TMEM74: variants seen among roughly 807,000 people sequenced by gnomAD.
TMEM74 encodes the protein transmembrane protein 74.
TMEM74 carries 13 observed loss-of-function variants against 18.1 expected under a neutral mutation model. That is an observed-to-expected ratio of 0.72 (90% CI 0.47 to 1.14). TMEM74 has a LOEUF of 1.14. Among genes scored for constraint, TMEM74 ranks in the 50% most tolerant of loss-of-function variants. TMEM74 has a pLI of 0.00. For missense variants in TMEM74, 372 were observed against 375.9 expected, an observed-to-expected ratio of 0.99 and a Z score of 0.09; for synonymous variants, 159 against 146.6, an observed-to-expected ratio of 1.08 and a Z score of -0.61.
intron 1 of TMEM74, among the ~76,000 whole-genome samples, chr8:108,664,619 C>A (rs990115249): frequency 6.6e-6 from 1 of 152,060 alleles, no homozygotes; most frequent in Admixed American, 6.6e-5. Context: ...TAATTGGATG[C>A]CTTTTATTTC....
At position 108,758,540 on chromosome 8, in the gene TMEM74, C is replaced by G. The variant is rs183846311; in HGVS notation, n.119+28936G>C. Among the ~76,000 whole-genome samples the G allele has an allele frequency of 5.3e-5, 8 of 152,148 alleles. No homozygotes were observed. In the East Asian group the frequency reaches 1.2e-3, roughly 22 times the overall value. On this transcript the variant is annotated intron_variant and non_coding_transcript_variant, in intron 1 of 3. Transcript: ENST00000518838. The stretch of plus-strand genomic sequence containing the variant: ...AATAAGAAATATAATTTGCCCCTAT[C>G]AGATTAGCAAACCTTTTTAGTTGGA...
At chr8:108,741,530 C>T (rs1230525319) in intron 1 of TMEM74, among the ~76,000 whole-genome samples, 1 of 152,174 alleles carries the variant, frequency 6.6e-6, no homozygotes, top group African/African-American at 2.4e-5. Context: ...ATTTTCCTCC[C>T]TCAGATCAGC....
intron 1 of TMEM74, among the ~76,000 whole-genome samples, chr8:108,705,032 A>G (rs1451446854): frequency 6.6e-6 from 1 of 152,232 alleles, no homozygotes; most frequent in Non-Finnish European, 1.5e-5. Context: ...ATGTCAAATC[A>G]CTTAGAAACA....
At position 108,781,280 on chromosome 8, in the gene TMEM74, G is replaced by A. The variant is rs574539031; in HGVS notation, c.*2901C>T. 1.2e-3 allele frequency among the ~76,000 whole-genome samples: 184 copies of A among 152,266 alleles called. No individual in the cohort carries two copies. Among genetic ancestry groups the A allele is most frequent in the African/African-American group, 4.0e-3 (168 of 41,558 alleles). On this transcript the variant is annotated 3_prime_UTR_variant, in exon 2 of 2. Coordinates refer to ENST00000297459, the MANE Select transcript of TMEM74 (RefSeq NM_153015.3). ...CGGAAGGTCACAAATCTCCATGAAG[G>A]ATGCAAGACCAAAACTATAGGTATT...
chr8:108,680,911 T>A (rs1813107230), intron 1 of TMEM74, among the ~76,000 whole-genome samples: 1 of 152,170 alleles, frequency 6.6e-6, no homozygotes, highest in South Asian at 2.1e-4. Flanking sequence ...GAACTCCCAT[T>A]CACAATTGCT....
chr8:108,646,477 A>G (rs1812721537), intron 2 of TMEM74, among the ~76,000 whole-genome samples: 1 of 152,156 alleles, frequency 6.6e-6, no homozygotes, highest in Non-Finnish European at 1.5e-5. Context: ...ATTAGTGACA[A>G]TGTATAGGCT....
chr8:108,771,100 C>T lies in TMEM74; in HGVS notation n.119+16376G>A, dbSNP rs1814166223. On this transcript the variant is annotated intron_variant and non_coding_transcript_variant, in intron 1 of 3. Transcript: ENST00000518838. ...CCTGGGGAGGTCAAGATAATTAATT[C>T]ATACTTTACTATTTTCTCTAATTAG... 3.3e-5 allele frequency among the ~76,000 whole-genome samples: 5 copies of T among 152,260 alleles called. No individual in the cohort carries two copies. In the South Asian group the frequency reaches 1.0e-3, roughly 32 times the overall value.
intron 1 of TMEM74, among the ~76,000 whole-genome samples, chr8:108,714,875 G>A: frequency 6.6e-6 from 1 of 152,154 alleles, no homozygotes; most frequent in East Asian, 1.9e-4. Context: ...GTCCTTTGCA[G>A]CAACGTGGAT....
chr8:108,644,454 G>A (rs1812696124), intron 2 of TMEM74, among the ~76,000 whole-genome samples: 1 of 152,098 alleles, frequency 6.6e-6, no homozygotes, highest in Non-Finnish European at 1.5e-5. Context: ...CAGAACTGAT[G>A]GCTAAGACCT....
intron 1 of TMEM74, among the ~76,000 whole-genome samples, chr8:108,741,218 T>C (rs887952331): frequency 1.3e-5 from 2 of 152,118 alleles, no homozygotes; most frequent in Non-Finnish European, 2.9e-5. Flanking sequence ...GAAATTCAGG[T>C]GGCTGCTAAT....
intron 2 of TMEM74, among the ~76,000 whole-genome samples, chr8:108,624,430 T>C (rs997542907): frequency 2.7e-4 from 41 of 152,084 alleles, no homozygotes; most frequent in Non-Finnish European, 4.7e-4. Flanking sequence ...ATAAAAATTG[T>C]ATCTGTAACT....
chr8:108,731,820 A>T (rs1002268148), intron 1 of TMEM74, among the ~76,000 whole-genome samples: 1 of 152,088 alleles, frequency 6.6e-6, no homozygotes, highest in Non-Finnish European at 1.5e-5. Flanking sequence ...TTTAATCATT[A>T]TTTCCTATAA....
At chr8:108,664,748 T>C (rs1295038322) in intron 1 of TMEM74, among the ~76,000 whole-genome samples, 1 of 152,044 alleles carries the variant, frequency 6.6e-6, no homozygotes, top group African/African-American at 2.4e-5. Context: ...ATTGTCCCCA[T>C]ATAACCTAGA....
intron 2 of TMEM74, among the ~76,000 whole-genome samples, chr8:108,618,348 T>C (rs1026617528): frequency 9.2e-5 from 14 of 152,180 alleles, no homozygotes; most frequent in African/African-American, 2.4e-4. Flanking sequence ...TATAATTTCC[T>C]TGTTAGGTCT....
chr8:108,627,408 A>G (rs1812504740), intron 2 of TMEM74, among the ~76,000 whole-genome samples: 1 of 152,058 alleles, frequency 6.6e-6, no homozygotes, highest in Admixed American at 6.6e-5. Flanking sequence ...TTGCTTCACC[A>G]TAGTTGAGCT....
chr8:108,738,653 C>T (rs1813770873), intron 1 of TMEM74, among the ~76,000 whole-genome samples: 2 of 152,078 alleles, frequency 1.3e-5, no homozygotes, highest in African/African-American at 4.8e-5. Flanking sequence ...AGCATCCTGG[C>T]CCATTGATGG....
chr8:108,677,034 C>A (rs1223502621), intron 1 of TMEM74, among the ~76,000 whole-genome samples: 1 of 152,216 alleles, frequency 6.6e-6, no homozygotes, highest in Non-Finnish European at 1.5e-5. Context: ...ATTATTCTTT[C>A]CAGCTATTGG....
At chr8:108,702,313 C>T (rs1166454649) in intron 1 of TMEM74, among the ~76,000 whole-genome samples, 1 of 149,100 alleles carries the variant, frequency 6.7e-6, no homozygotes, top group Non-Finnish European at 1.5e-5. Flanking sequence ...CCACTGCACT[C>T]CAGCCCTGGC....
chr8:108,652,945 G>A, intron 2 of TMEM74: 1 of 311,334 alleles, frequency 3.2e-6, no homozygotes. Flanking sequence ...CTAGCGACTT[G>A]CTAGACATAA....
Sources: allele counts gnomAD v4.1 joint callset (sites outside exome capture counted in the v4.1 genomes callset), GRCh38; gene constraint gnomAD v4.1.1; transcripts MANE v1.5; gene names NCBI Gene and HGNC (gene_info 2026-07-23, HGNC 2026-07-21).